TBC1D5: variants seen among roughly 807,000 people sequenced by gnomAD.
TBC1D5 encodes the protein TBC1 domain family member 5.
TBC1D5 carries 75 observed loss-of-function variants against 100.3 expected under a neutral mutation model. The ratio of observed to expected loss-of-function variants is 0.75; its 90% CI spans 0.62 to 0.91. The LOEUF (loss-of-function observed/expected upper bound fraction) is 0.91, where lower values mean the gene tolerates loss of function less well. Among genes scored for constraint, TBC1D5 ranks in the 40% least tolerant of loss-of-function variants. TBC1D5 has a pLI of 0.00. For synonymous variants in TBC1D5, 323 were observed against 325.6 expected (o/e 0.99, Z 0.09); for missense variants, 910 against 942.4 (o/e 0.97, Z 0.45).
At chr3:17,232,679 C>G (rs1406098106) in intron 17 of TBC1D5, among the ~76,000 whole-genome samples, 1 of 152,072 alleles carries the variant, frequency 6.6e-6, no homozygotes. Flanking sequence ...AAAGCTTACT[C>G]CTCTATTGCC....
At chr3:17,727,889 A>T (rs1467138366) in intron 1 of TBC1D5, among the ~76,000 whole-genome samples, 2 of 152,202 alleles carry the variant, frequency 1.3e-5, no homozygotes, top group African/African-American at 2.4e-5. Flanking sequence ...GGCTACAAAC[A>T]TCCAAAAGAG....
At chr3:17,614,784 C>G (rs545584268) in intron 2 of TBC1D5, among the ~76,000 whole-genome samples, 1 of 152,276 alleles carries the variant, frequency 6.6e-6, no homozygotes, top group South Asian at 2.1e-4. Context: ...AGATTTTGGG[C>G]TGAGATGATG....
At chr3:17,621,482 G>A (rs2062652143) in intron 2 of TBC1D5, among the ~76,000 whole-genome samples, 1 of 152,192 alleles carries the variant, frequency 6.6e-6, no homozygotes, top group South Asian at 2.1e-4. Context: ...AATTAAGGAA[G>A]CACTGAAATA....
intron 3 of TBC1D5, among the ~76,000 whole-genome samples, chr3:17,457,082 T>C (rs1330922527): frequency 6.6e-6 from 1 of 152,130 alleles, no homozygotes; most frequent in Non-Finnish European, 1.5e-5. Flanking sequence ...TAGAACAATA[T>C]ATAGTATTTT....
intron 15 of TBC1D5, among the ~76,000 whole-genome samples, chr3:17,269,395 T>C (rs1184119615): frequency 6.6e-6 from 1 of 152,202 alleles, no homozygotes; most frequent in East Asian, 1.9e-4. Context: ...TAGTGGTCTG[T>C]TCCCTAAGTA....
chr3:17,663,749 T>A (rs1181737948), intron 1 of TBC1D5, among the ~76,000 whole-genome samples: 3 of 152,142 alleles, frequency 2.0e-5, no homozygotes. Flanking sequence ...GTAGTTTGAC[T>A]GTAGTAGTAT....
chr3:17,462,056 G>A (rs2095221210), intron 3 of TBC1D5, among the ~76,000 whole-genome samples: 2 of 151,708 alleles, frequency 1.3e-5, no homozygotes, highest in Admixed American at 1.3e-4. Flanking sequence ...TTTTCTTATG[G>A]AAAATAAAAA....
intron 17 of TBC1D5, among the ~76,000 whole-genome samples, chr3:17,228,329 T>C (rs779287977): frequency 2.0e-4 from 31 of 152,172 alleles, no homozygotes; most frequent in Non-Finnish European, 4.0e-4. Flanking sequence ...AGTGGCTGTG[T>C]GTCCTAAATG....
chr3:17,461,579 A>C (rs1319208709), intron 3 of TBC1D5, among the ~76,000 whole-genome samples: 2 of 152,204 alleles, frequency 1.3e-5, no homozygotes, highest in African/African-American at 2.4e-5. Flanking sequence ...CCTGTTTGCC[A>C]AGGAGGCAGA....
At chr3:17,379,570 G>A (rs764931881) in intron 9 of TBC1D5, among the ~76,000 whole-genome samples, 6 of 151,964 alleles carry the variant, frequency 3.9e-5, no homozygotes, top group Admixed American at 2.6e-4. Context: ...TCCTAACTTC[G>A]ATGGAGCTTG....
intron 1 of TBC1D5, among the ~76,000 whole-genome samples, chr3:17,631,433 T>C (rs961393253): frequency 6.6e-6 from 1 of 152,244 alleles, no homozygotes; most frequent in East Asian, 1.9e-4. Flanking sequence ...CTGCAGCAAG[T>C]TGTCCAGAAT....
chr3:17,684,023 T>C (rs1183649455), intron 1 of TBC1D5, among the ~76,000 whole-genome samples: 1 of 152,082 alleles, frequency 6.6e-6, no homozygotes, highest in Non-Finnish European at 1.5e-5. Flanking sequence ...ACTCCCCAAA[T>C]ATATGTTAAT....
At position 17,532,664 on chromosome 3, in the gene TBC1D5, G is replaced by T. The variant is rs13083281; in HGVS notation, c.-35-24059C>A. Among the ~76,000 whole-genome samples the T allele has an allele frequency of 1.1e-3, 163 of 152,210 alleles. 1 individual carries two copies. The highest frequency in any genetic ancestry group is 3.8e-3 in the African/African-American group (157 of 41,526). ...TGGAATACTATGCAGCCATAAAAAA[G>T]GATGAGTTCATTTCCTTTGTAGGGA... On this transcript the variant is annotated intron_variant, in intron 2 of 21. Transcript: ENST00000253692.
At chr3:17,372,687 G>A (rs965413386) in intron 12 of TBC1D5, among the ~76,000 whole-genome samples, 2 of 152,176 alleles carry the variant, frequency 1.3e-5, no homozygotes, top group African/African-American at 2.4e-5. Flanking sequence ...ATTAAGAAAT[G>A]ATCAGTGTTT....
At chr3:17,219,397 A>G (rs114811682) in intron 17 of TBC1D5, among the ~76,000 whole-genome samples, 5,409 of 151,506 alleles carry the variant, frequency 0.036, 323 homozygotes, top group African/African-American at 0.12. Flanking sequence ...GTCTTTATCC[A>G]GTAAGTTTAA....
chr3:17,347,300 A>G (rs1213160611), intron 13 of TBC1D5, among the ~76,000 whole-genome samples: 1 of 152,172 alleles, frequency 6.6e-6, no homozygotes, highest in East Asian at 1.9e-4. Context: ...ACCTGAAACC[A>G]CTTGTTTAAT....
intron 13 of TBC1D5, among the ~76,000 whole-genome samples, chr3:17,324,560 CT>C (rs1044799366): frequency 1.3e-5 from 2 of 152,084 alleles, no homozygotes; most frequent in Non-Finnish European, 2.9e-5. Flanking sequence ...AGAAGAATTG[CT>C]TGAACCCAGG....
chr3:17,171,908 C>T (rs915432167), intron 19 of TBC1D5, among the ~76,000 whole-genome samples: 2 of 152,178 alleles, frequency 1.3e-5, no homozygotes, highest in African/African-American at 4.8e-5. Context: ...ATGCTCTGGC[C>T]TGATGTGCAA....
intron 1 of TBC1D5, among the ~76,000 whole-genome samples, chr3:17,732,242 T>C (rs1287478073): frequency 6.7e-6 from 1 of 150,100 alleles, no homozygotes; most frequent in African/African-American, 2.5e-5. Flanking sequence ...CCCCTGAACC[T>C]ATGAGGCAGA....
Sources: gnomAD v4.1 joint callset for allele counts (sites outside exome capture counted in the v4.1 genomes callset) on GRCh38, gnomAD v4.1.1 for gene constraint, MANE v1.5 for transcripts, NCBI Gene and HGNC (gene_info 2026-07-23, HGNC 2026-07-21) for gene names.